UNC5B: variants seen among roughly 807,000 people sequenced by gnomAD.
UNC5B encodes netrin receptor UNC5B.
In UNC5B, 56 loss-of-function variants were observed where a neutral mutation model predicts 103.7. That is an observed-to-expected ratio of 0.54 (90% CI 0.44 to 0.67). The LOEUF is 0.67. Among genes scored for constraint, UNC5B ranks in the 30% least tolerant of loss-of-function variants. The probability of loss-of-function intolerance (pLI) is 0.00; values close to 1 mark genes in which losing one functional copy is unlikely to be tolerated. For missense variants in UNC5B, 1,194 were observed against 1,284.5 expected (o/e 0.93, Z 1.08); for synonymous variants, 577 against 542.0 (o/e 1.06, Z -0.90).
chr10:71,227,330 A>C (rs1394256700), intron 1 of UNC5B, among the ~76,000 whole-genome samples: 1 of 152,062 alleles, frequency 6.6e-6, no homozygotes, highest in African/African-American at 2.4e-5. Flanking sequence ...GGAAAACTAA[A>C]AATCATATGT....
chr10:71,217,354 G>GT (rs1843351773), intron 1 of UNC5B: 1 of 152,334 alleles, frequency 6.6e-6, no homozygotes, highest in Admixed American at 6.5e-5. Context: ...GGCTCAAGAG[G>GT]TTGGGACTGG....
chr10:71,212,914 AGACGGCGGCGGC>A lies in UNC5B; in HGVS notation c.-69_-58del, dbSNP rs1315967975. 1 of 1,177,788 alleles carries A rather than the reference AGACGGCGGCGGC, an allele frequency of 8.5e-7. No individual in the cohort carries two copies. Among genetic ancestry groups the A allele is most frequent in the Non-Finnish European group, 1.1e-6 (1 of 936,010 alleles). 73.0% of individuals were successfully genotyped at this position (1,177,788 alleles called of 1,614,324 possible). On this transcript the variant is annotated 5_prime_UTR_variant, in exon 1 of 17. Coordinates refer to ENST00000335350, the MANE Select transcript of UNC5B (RefSeq NM_170744.5). The stretch of plus-strand genomic sequence containing the variant: ...GGCGAGGAGGAGGCGGCGGCGGCGG[AGACGGCGGCGGC>A]GAGACTGGGGCCAGGGAGACAGCCC...
chr10:71,262,317 G>T (rs1844432058), intron 1 of UNC5B, among the ~76,000 whole-genome samples: 1 of 151,912 alleles, frequency 6.6e-6, no homozygotes. Flanking sequence ...GCTGGAGTGG[G>T]TTGGGGGAGG....
At position 71,277,853 on chromosome 10, in the gene UNC5B, G is replaced by T. The variant is rs193163248; in HGVS notation, c.80-1968G>T. ...TCAGTTTCCTCTGCTTTGAAATGAG[G>T]ACATTTCCAGCCTTGCAGGTCCCTT... On this transcript the variant is annotated intron_variant, in intron 1 of 16. Transcript: ENST00000335350. Among the ~76,000 whole-genome samples, 32 of 152,086 alleles carry T rather than the reference G, an allele frequency of 2.1e-4. No individual in the cohort carries two copies. In the East Asian group the frequency reaches 6.0e-3, roughly 28 times the overall value.
intron 1 of UNC5B, among the ~76,000 whole-genome samples, chr10:71,235,091 A>ACTCTGCCTCTGC (rs749369234): frequency 3.4e-5 from 3 of 87,304 alleles, no homozygotes; most frequent in Non-Finnish European, 9.4e-5. Context: ...GCTGCCTCTG[A>ACTCTGCCTCTGC]CTCTGCCTCT....
chr10:71,225,648 G>C (rs1252489682), intron 1 of UNC5B, among the ~76,000 whole-genome samples: 21 of 152,222 alleles, frequency 1.4e-4, no homozygotes, highest in Admixed American at 1.4e-3. Context: ...AACGGGGCAG[G>C]CAGGACCAGC....
rs1843281512 is a variant in UNC5B, at chr10:71,213,823, A to C, written c.79+759A>C. On this transcript the variant is annotated intron_variant, in intron 1 of 16. Transcript: ENST00000335350. This position sits in a 1 kb window ranked among gnomAD's most constrained non-coding sequence, Gnocchi z 4.1. ...GTTTCCTTTTAAATTGGTCACTGAC[A>C]TTCTCGCTGTCCGGGGAACAGACTA... Among the ~76,000 whole-genome samples, 1 of 150,640 alleles carries C rather than the reference A, an allele frequency of 6.6e-6. No homozygotes were observed. The highest frequency in any genetic ancestry group is 1.5e-5 in the Non-Finnish European group (1 of 67,872).
intron 1 of UNC5B, among the ~76,000 whole-genome samples, chr10:71,276,998 A>T (rs1844787604): frequency 6.6e-6 from 1 of 152,220 alleles, no homozygotes; most frequent in Non-Finnish European, 1.5e-5. Flanking sequence ...GAATCTTTGC[A>T]CCAGGGCTGA....
intron 1 of UNC5B, among the ~76,000 whole-genome samples, chr10:71,239,277 G>A (rs916231484): frequency 2.0e-5 from 3 of 152,162 alleles, no homozygotes; most frequent in African/African-American, 7.2e-5. Flanking sequence ...CTTGGGAAGG[G>A]GAAACATTTT....
At chr10:71,259,030 A>G (rs911172661) in intron 1 of UNC5B, among the ~76,000 whole-genome samples, 1 of 152,248 alleles carries the variant, frequency 6.6e-6, no homozygotes, top group African/African-American at 2.4e-5. Flanking sequence ...GTGAACTGGG[A>G]TAGAATGGCC....
chr10:71,284,859 C>A lies in UNC5B; in HGVS notation c.444C>A (p.Ile148=), dbSNP rs150240592. The change falls in exon 3 of 17, where the codon ATC becomes ATA. Residue 148 remains isoleucine (I), a synonymous_variant. Transcript: ENST00000335350. ...TTKSRRAYVR[I]AYLRKNFDQE... ...AGAGTCGCCGAGCCTACGTCCGCAT[C>A]GCCTGTACGCCACCCTGACCCCCAC... The A allele has an allele frequency of 6.2e-7, 1 of 1,600,402 alleles. No individual in the cohort carries two copies. Among genetic ancestry groups the A allele is most frequent in the Non-Finnish European group, 8.5e-7 (1 of 1,173,512 alleles).
chr10:71,213,675 A>AATTATT lies in UNC5B; in HGVS notation c.79+640_79+645dup, dbSNP rs5786026. ...ATCGCTGGGCCCGCAGGTCTGGAAG[A>AATTATT]ATTATTATTATTATTATTATTATTA... On this transcript the variant is annotated intron_variant, in intron 1 of 16. Transcript: ENST00000335350. This position sits in a 1 kb window ranked among gnomAD's most constrained non-coding sequence, Gnocchi z 4.1. Among the ~76,000 whole-genome samples the AATTATT allele has an allele frequency of 0.092, 12,209 of 133,120 alleles. 647 individuals are homozygous for AATTATT. The highest frequency in any genetic ancestry group is 0.14 in the East Asian group (619 of 4,408). The allele number at this position is 133,120 out of a possible 152,430, so 87.3% of individuals were successfully genotyped here.
chr10:71,248,508 T>A (rs1403315693), intron 1 of UNC5B, among the ~76,000 whole-genome samples: 2 of 152,230 alleles, frequency 1.3e-5, no homozygotes, highest in Non-Finnish European at 2.9e-5. Flanking sequence ...TGACAGCCTG[T>A]TGAATAATTT....
At chr10:71,284,440 T>TA (rs1845010413) in intron 2 of UNC5B, among the ~76,000 whole-genome samples, 1 of 152,130 alleles carries the variant, frequency 6.6e-6, no homozygotes, top group Non-Finnish European at 1.5e-5. Context: ...AAGGGTCTCA[T>TA]AACGGGGGGA....
At chr10:71,238,901 C>G (rs939669390) in intron 1 of UNC5B, among the ~76,000 whole-genome samples, 1 of 152,200 alleles carries the variant, frequency 6.6e-6, no homozygotes, top group African/African-American at 2.4e-5. Flanking sequence ...GCCCCAGCCT[C>G]CCTAGTAGCT....
At chr10:71,288,821 A>G in intron 7 of UNC5B, 89 bp downstream of exon 7, 1 of 1,545,204 alleles carries the variant, frequency 6.5e-7, no homozygotes. Flanking sequence ...CTCAGTGCCC[A>G]GCCTGCAGCA....
chr10:71,227,657 C>CAT (rs1427577666), intron 1 of UNC5B, among the ~76,000 whole-genome samples: 1 of 145,020 alleles, frequency 6.9e-6, no homozygotes, highest in African/African-American at 2.6e-5. Flanking sequence ...CATATATATA[C>CAT]ATATATATAC....
In UNC5B at chr10:71,290,977, G is replaced by A. The variant is rs983043539; in HGVS notation, c.1162G>A (p.Val388Met). The A allele has an allele frequency of 6.2e-6, 10 of 1,614,094 alleles. No individual in the cohort carries two copies. Among genetic ancestry groups the A allele is most frequent in the Middle Eastern group, 1.7e-4 (1 of 6,060 alleles). ...AGLVVAIFVVVAILMAVGVVV... is the reference protein window; with the variant it reads ...AGLVVAIFVVMAILMAVGVVV... ...GCTCGTGGTGGCCATCTTCGTGGTC[G>A]TGGCAATCCTCATGGCGGTGGGGGT... Residue 388 changes from valine to methionine, a missense_variant, in exon 9 of 17, where the codon GTG becomes ATG. Coordinates refer to ENST00000335350, the MANE Select transcript of UNC5B (RefSeq NM_170744.5).
At position 71,294,039 on chromosome 10, in the gene UNC5B, G is replaced by A. The variant is rs112736329; in HGVS notation, c.2175+106G>A. 2,983 of 1,031,764 alleles carry A rather than the reference G, an allele frequency of 2.9e-3. 56 individuals carry two copies. The African/African-American group carries it at 0.042, about 14-fold the overall frequency. The allele number at this position is 1,031,764 out of a possible 1,614,324, so 63.9% of individuals were successfully genotyped here. ...TGGGTCCTCCCAGGAACCCCTCCCCGCCACCAGCATTATTAGGTCCCGCTT... is the reference window on the plus strand; with the variant it reads ...TGGGTCCTCCCAGGAACCCCTCCCCACCACCAGCATTATTAGGTCCCGCTT... On this transcript the variant is annotated intron_variant, in intron 13 of 16. Coordinates refer to ENST00000335350, the MANE Select transcript of UNC5B (RefSeq NM_170744.5).
Sources: allele counts gnomAD v4.1 joint callset (sites outside exome capture counted in the v4.1 genomes callset), GRCh38; gene constraint gnomAD v4.1.1; non-coding constraint Gnocchi (gnomAD v3.1); transcripts MANE v1.5; gene names NCBI Gene and HGNC (gene_info 2026-07-23, HGNC 2026-07-21).